The following PLAAT1 variants were observed in gnomAD, a reference collection of about 807,000 sequenced individuals.
The protein encoded by PLAAT1 is H-REV107 protein-related protein.
PLAAT1 carries 13 observed loss-of-function variants against 16.4 expected under a neutral mutation model. The ratio of observed to expected loss-of-function variants is 0.79; its 90% CI spans 0.52 to 1.26. The LOEUF (loss-of-function observed/expected upper bound fraction) is 1.26, where lower values mean the gene tolerates loss of function less well. Among genes scored for constraint, PLAAT1 ranks in the 50% most tolerant of loss-of-function variants. The pLI is 0.00. For synonymous variants in PLAAT1, 73 were observed against 78.4 expected, an observed-to-expected ratio of 0.93 and a Z score of 0.36; for missense variants, 218 against 207.8, an observed-to-expected ratio of 1.05 and a Z score of -0.30.
At chr3:193,268,084 A>C (rs553449077) in intron 3 of PLAAT1, among the ~76,000 whole-genome samples, 5 of 152,114 alleles carry the variant, frequency 3.3e-5, no homozygotes, top group Non-Finnish European at 5.9e-5. Context: ...TTTAGAAAAC[A>C]CTTTTATCAG....
downstream of PLAAT1, chr3:193,279,443 A>G (rs1337362319): frequency 1.2e-6 from 2 of 1,613,204 alleles, no homozygotes; most frequent in African/African-American, 2.7e-5. Context: ...AGCAGCAGAA[A>G]TGAAAATATA....
At position 193,270,733 on chromosome 3, in the gene PLAAT1, A is replaced by C. The variant is rs768136369; in HGVS notation, c.*28A>C. On this transcript the variant is annotated 3_prime_UTR_variant, in exon 4 of 4. Coordinates refer to ENST00000264735, the MANE Select transcript of PLAAT1 (RefSeq NM_020386.5). ...ATTTACCAAAGAGATATTGATATTG[A>C]AGGAATTTGGGAGGAGGAAAAGAAA... 1.2e-6 allele frequency: 2 copies of C among 1,605,532 alleles called. No individual in the cohort carries two copies. Among genetic ancestry groups the C allele is most frequent in the South Asian group, 2.2e-5 (2 of 89,932 alleles).
intron 1 of PLAAT1, among the ~76,000 whole-genome samples, chr3:193,244,504 T>TG (rs1560096972): frequency 6.6e-6 from 1 of 152,084 alleles, no homozygotes; most frequent in East Asian, 1.9e-4. Context: ...TTTATATTTA[T>TG]GGGGTACAAC....
upstream of PLAAT1, chr3:193,241,057 C>G: frequency 6.5e-6 from 3 of 458,480 alleles, no homozygotes; most frequent in Non-Finnish European, 9.7e-6. Flanking sequence ...GGCGCTGGAG[C>G]GCGTGCGTTG....
At chr3:193,280,299 G>A (rs187703950), downstream of PLAAT1, among the ~76,000 whole-genome samples, 2 of 151,992 alleles carry the variant, frequency 1.3e-5, no homozygotes, top group African/African-American at 2.4e-5. Flanking sequence ...CGATCCACCC[G>A]CCTCGGCCTC....
intron 2 of PLAAT1, 70 bp downstream of exon 2, chr3:193,255,859 T>C: frequency 7.6e-7 from 1 of 1,312,914 alleles, no homozygotes; most frequent in Non-Finnish European, 1.0e-6. Context: ...TAATCATGGG[T>C]GAAATAATAA....
At chr3:193,278,780 A>G (rs1717343989), downstream of PLAAT1, among the ~76,000 whole-genome samples, 7 of 152,174 alleles carry the variant, frequency 4.6e-5, no homozygotes, top group South Asian at 1.5e-3. Context: ...GTAGCGTTCA[A>G]GTATGTCTCA....
chr3:193,258,964 G>A (rs1716485634), intron 2 of PLAAT1, among the ~76,000 whole-genome samples: 1 of 152,048 alleles, frequency 6.6e-6, no homozygotes, highest in African/African-American at 2.4e-5. Flanking sequence ...GAAAACTTCA[G>A]GCCAGTATTC....
downstream of PLAAT1, among the ~76,000 whole-genome samples, chr3:193,271,943 G>A (rs548695731): frequency 6.6e-4 from 100 of 152,060 alleles, 1 homozygote; most frequent in Middle Eastern, 6.8e-3. Context: ...CCTATATCTC[G>A]TCCCTTCTTT....
At chr3:193,248,036 C>G (rs570293580) in intron 1 of PLAAT1, among the ~76,000 whole-genome samples, 8 of 152,144 alleles carry the variant, frequency 5.3e-5, no homozygotes, top group African/African-American at 1.9e-4. Flanking sequence ...TATTGTATTG[C>G]AGTCCATGTC....
chr3:193,242,878 C>T (rs1057034550), intron 1 of PLAAT1, among the ~76,000 whole-genome samples: 1 of 152,170 alleles, frequency 6.6e-6, no homozygotes, highest in Non-Finnish European at 1.5e-5. Context: ...CAGGGGTAGC[C>T]TGTGATCACC....
At chr3:193,263,315 A>G (rs1716659954) in intron 3 of PLAAT1, 80 bp downstream of exon 3, 2 of 1,353,656 alleles carry the variant, frequency 1.5e-6, no homozygotes, top group African/African-American at 1.5e-5. Context: ...GCCTCAAACC[A>G]AATGAAAAGA....
chr3:193,255,882 C>A (rs920311197), intron 2 of PLAAT1, 93 bp downstream of exon 2: 1 of 1,149,218 alleles, frequency 8.7e-7, no homozygotes, highest in Non-Finnish European at 1.2e-6. Flanking sequence ...AAAACAAAAT[C>A]GAAATAAAAT....
chr3:193,244,336 A>G (rs1271331894), intron 1 of PLAAT1, among the ~76,000 whole-genome samples: 3 of 152,168 alleles, frequency 2.0e-5, no homozygotes, highest in African/African-American at 7.2e-5. Flanking sequence ...CAGAGTAGCT[A>G]CACATTCCCA....
chr3:193,261,795 A>G (rs544194605), intron 2 of PLAAT1, among the ~76,000 whole-genome samples: 2 of 152,214 alleles, frequency 1.3e-5, no homozygotes, highest in Non-Finnish European at 2.9e-5. Context: ...TTTCCAAGCC[A>G]GTTTACCTCT....
downstream of PLAAT1, among the ~76,000 whole-genome samples, chr3:193,278,714 A>G (rs113531132): frequency 7.4e-4 from 113 of 152,174 alleles, 1 homozygote; most frequent in African/African-American, 2.6e-3. Context: ...TCCTTCTTCT[A>G]TGTTCTTCCC....
At chr3:193,253,522 G>A (rs1291256473) in intron 1 of PLAAT1, among the ~76,000 whole-genome samples, 2 of 152,100 alleles carry the variant, frequency 1.3e-5, no homozygotes, top group East Asian at 1.9e-4. Context: ...AGCTCCCAAA[G>A]GGTTACTTGC....
At chr3:193,262,643 C>T (rs947007490) in intron 2 of PLAAT1, among the ~76,000 whole-genome samples, 1 of 152,164 alleles carries the variant, frequency 6.6e-6, no homozygotes, top group African/African-American at 2.4e-5. Context: ...GTTAGACACA[C>T]ATACCAACAT....
At chr3:193,250,517 C>T (rs536996046) in intron 1 of PLAAT1, among the ~76,000 whole-genome samples, 35 of 152,186 alleles carry the variant, frequency 2.3e-4, no homozygotes, top group East Asian at 1.2e-3. Flanking sequence ...TTGTTGTCTA[C>T]GAGACTCAAA....
Sources: allele counts gnomAD v4.1 joint callset (sites outside exome capture counted in the v4.1 genomes callset), GRCh38; gene constraint gnomAD v4.1.1; transcripts MANE v1.5; gene names NCBI Gene and HGNC (gene_info 2026-07-23, HGNC 2026-07-21).